IL21R: variants seen among roughly 807,000 people sequenced by gnomAD.
The protein encoded by IL21R is interleukin-21 receptor.
A neutral mutation model predicts 41.3 loss-of-function variants in IL21R; 14 were observed. That is an observed-to-expected ratio of 0.34 (90% CI 0.22 to 0.53). The LOEUF is 0.53. IL21R is among the 20% of genes least tolerant of loss of function. The pLI is 0.94. For synonymous variants in IL21R, 286 were observed against 287.6 expected (o/e 0.99, Z 0.05); for missense variants, 588 against 681.6 (o/e 0.86, Z 1.53).
chr16:27,412,540 A>G lies in IL21R; in HGVS notation c.-17+9922A>G, dbSNP rs192045673. ...TATTTCTGCAAAAACTGTCATTGAG[A>G]TTTTGATAGGGTTTATATTAAATTC... On this transcript the variant is annotated intron_variant, in intron 1 of 8. Coordinates refer to ENST00000337929, the MANE Select transcript of IL21R (RefSeq NM_181078.3). 4.7e-3 allele frequency among the ~76,000 whole-genome samples: 721 copies of G among 151,930 alleles called. 8 individuals are homozygous for G. The highest frequency in any genetic ancestry group is 0.017 in the African/African-American group (689 of 41,440).
rs968765551 is a variant in IL21R at position 27,434,391 on chromosome 16, A to T, written c.94A>T (p.Thr32Ser). ...CGTCTGCTACACCGATTACCTCCAG[A>T]CGGTCATCTGCATCCTGGAAATGTG... ...DLVCYTDYLQ[T>S]VICILEMWNL... is the part of the protein sequence containing the mutation. The change falls in exon 3 of 9, where the codon ACG (threonine) becomes TCG (serine). Residue 32 changes from threonine (T) to serine (S), a missense_variant. Physicochemically the swap from Thr to Ser is moderately conservative, Grantham distance 58 (BLOSUM62 1). Coordinates refer to ENST00000337929, the MANE Select transcript of IL21R (RefSeq NM_181078.3). 2 of 1,613,766 alleles carry T rather than the reference A, an allele frequency of 1.2e-6. No individual in the cohort carries two copies. The highest frequency in any genetic ancestry group is 1.3e-5 in the African/African-American group (1 of 74,850).
intron 4 of IL21R, among the ~76,000 whole-genome samples, chr16:27,440,238 T>TAG (rs1255576516): frequency 7.8e-4 from 69 of 87,964 alleles, no homozygotes; most frequent in African/African-American, 1.9e-3. Context: ...TATATATATA[T>TAG]ATATATATAT....
intron 1 of IL21R, among the ~76,000 whole-genome samples, chr16:27,414,936 G>C (rs1220612141): frequency 6.6e-6 from 1 of 152,038 alleles, no homozygotes; most frequent in Admixed American, 6.6e-5. Flanking sequence ...GAAGGATAAG[G>C]CGTCTGTTTG....
At chr16:27,404,753 C>T (rs1567353225) in intron 1 of IL21R, among the ~76,000 whole-genome samples, 1 of 152,174 alleles carries the variant, frequency 6.6e-6, no homozygotes, top group South Asian at 2.1e-4. Context: ...GGTTCAAGTC[C>T]ACCGCTTAGT....
intron 1 of IL21R, among the ~76,000 whole-genome samples, chr16:27,413,833 CT>C (rs2086855731): frequency 6.6e-6 from 1 of 151,680 alleles, no homozygotes; most frequent in Admixed American, 6.6e-5. Flanking sequence ...AGTCTTCTCT[CT>C]TTTTTTCTTA....
chr16:27,416,399 G>C (rs190865868), intron 1 of IL21R, among the ~76,000 whole-genome samples: 146 of 152,184 alleles, frequency 9.6e-4, no homozygotes, highest in African/African-American at 3.4e-3. Flanking sequence ...AGGCCTCCCA[G>C]AGTGCTGGGA....
chr16:27,430,857 C>T (rs2087158739), intron 2 of IL21R, among the ~76,000 whole-genome samples: 2 of 152,084 alleles, frequency 1.3e-5, no homozygotes, highest in Admixed American at 1.3e-4. Flanking sequence ...AAAAAAATCG[C>T]TAGATTCTTA....
rs2087606260 is a variant in IL21R, at chr16:27,451,961, A to C, written c.*2678A>C. Reference sequence around the variant, plus strand: ...ATAAAGATAAAACACAAGTTATACCAGGCCAGCAACTCTATTTTGTTCACT... The same window carrying C: ...ATAAAGATAAAACACAAGTTATACCCGGCCAGCAACTCTATTTTGTTCACT... On this transcript the variant is annotated 3_prime_UTR_variant, in exon 9 of 9. Transcript: ENST00000337929. 4.4e-6 allele frequency: 1 copy of C among 229,620 alleles called. No individual in the cohort carries two copies. The highest frequency in any genetic ancestry group is 5.7e-5 in the Admixed American group (1 of 17,656). 14.2% of individuals were successfully genotyped at this position (229,620 alleles called of 1,614,324 possible). A position where few individuals can be genotyped will look rare whatever the true frequency, so the allele number is the denominator to read the frequency against.
intron 1 of IL21R, among the ~76,000 whole-genome samples, chr16:27,425,487 GA>G (rs2087061028): frequency 6.6e-6 from 1 of 152,186 alleles, no homozygotes. Flanking sequence ...CCTGCTGATG[GA>G]GGAGGCAAGA....
chr16:27,413,398 A>G (rs1408102860), intron 1 of IL21R, among the ~76,000 whole-genome samples: 2 of 152,030 alleles, frequency 1.3e-5, no homozygotes, highest in Non-Finnish European at 2.9e-5. Context: ...GTATTCATCA[A>G]GAGTACTGGT....
chr16:27,429,189 A>C (rs981908540), intron 1 of IL21R, among the ~76,000 whole-genome samples: 1 of 152,056 alleles, frequency 6.6e-6, no homozygotes, highest in Non-Finnish European at 1.5e-5. Flanking sequence ...GGGCCACTGC[A>C]CTCCAGCCTG....
At chr16:27,417,901 G>A (rs1227584014) in intron 1 of IL21R, among the ~76,000 whole-genome samples, 1 of 151,966 alleles carries the variant, frequency 6.6e-6, no homozygotes, top group Non-Finnish European at 1.5e-5. Flanking sequence ...GGACATTGCT[G>A]TACACTCCTG....
At position 27,446,197 on chromosome 16, in the gene IL21R, C is replaced by G. The variant is rs3093377; in HGVS notation, c.867+109C>G. 0.2 allele frequency: 150,047 copies of G among 768,542 alleles called. 16,632 individuals carry two copies. The highest frequency in any genetic ancestry group is 0.23 in the African/African-American group (13,279 of 56,648). The allele number at this position is 768,542 out of a possible 1,614,324, so 47.6% of individuals were successfully genotyped here. On this transcript the variant is annotated intron_variant, in intron 8 of 8. Transcript: ENST00000337929. ...GCCTCACCCCACAGGCCTAGAGCAT[C>G]CAGGTCTCAGCCAAGCCACAAGCCA...
intron 2 of IL21R, among the ~76,000 whole-genome samples, chr16:27,433,416 A>T (rs1204355927): frequency 2.6e-5 from 4 of 152,142 alleles, no homozygotes; most frequent in African/African-American, 9.7e-5. Context: ...CAGTGAGCTG[A>T]GATCGCACCA....
At chr16:27,442,180 TG>T (rs2087399262) in intron 4 of IL21R, among the ~76,000 whole-genome samples, 1 of 152,086 alleles carries the variant, frequency 6.6e-6, no homozygotes, top group South Asian at 2.1e-4. Flanking sequence ...TGTGCATGTG[TG>T]TTGCATGTGT....
At position 27,448,809 on chromosome 16, in the gene IL21R, G is replaced by C. The variant is rs752449999; in HGVS notation, c.1143G>C (p.Val381=). The part of the protein sequence containing the change: ...YGLVSIDTVT[V]LDAEGPCTWP... The stretch of plus-strand genomic sequence containing the variant: ...TGGTGTCCATTGACACAGTGACTGT[G>C]CTAGATGCAGAGGGGCCATGCACCT... The change falls in exon 9 of 9, where the codon GTG becomes GTC. Residue 381 remains valine (V), a synonymous_variant. Coordinates refer to ENST00000337929, the MANE Select transcript of IL21R (RefSeq NM_181078.3). 1 of 1,613,454 alleles carries C rather than the reference G, an allele frequency of 6.2e-7. No homozygotes were observed.
chr16:27,430,702 C>A (rs757560266), intron 2 of IL21R, among the ~76,000 whole-genome samples: 1 of 152,052 alleles, frequency 6.6e-6, no homozygotes, highest in Non-Finnish European at 1.5e-5. Context: ...GTAGTCTCAG[C>A]TTTTTGTGGG....
chr16:27,446,118 C>A, intron 8 of IL21R, 30 bp downstream of exon 8: 1 of 1,585,558 alleles, frequency 6.3e-7, no homozygotes, highest in Non-Finnish European at 8.6e-7. Flanking sequence ...ATGAGCTCCT[C>A]GGAGCCCCTC....
At chr16:27,411,821 A>T (rs1283922551) in intron 1 of IL21R, among the ~76,000 whole-genome samples, 1 of 152,112 alleles carries the variant, frequency 6.6e-6, no homozygotes, top group Non-Finnish European at 1.5e-5. Context: ...AGTTCTTTGT[A>T]TATTCTAGAT....
Sources: allele counts gnomAD v4.1 joint callset (sites outside exome capture counted in the v4.1 genomes callset), GRCh38; gene constraint gnomAD v4.1.1; transcripts MANE v1.5; gene names NCBI Gene and HGNC (gene_info 2026-07-23, HGNC 2026-07-21).